The following MAPKBP1 variants were observed in gnomAD, a reference collection of about 807,000 sequenced individuals.
MAPKBP1 encodes the protein mitogen-activated protein kinase binding protein 1, also known as mitogen-activated protein kinase-binding protein 1.
MAPKBP1 carries 71 observed loss-of-function variants against 170.5 expected under a neutral mutation model. The observed-to-expected ratio is 0.42, with a 90% CI of 0.34 to 0.51. The LOEUF (loss-of-function observed/expected upper bound fraction) is 0.51, where lower values mean the gene tolerates loss of function less well. Among genes scored for constraint, MAPKBP1 ranks in the 20% least tolerant of loss-of-function variants. The probability of loss-of-function intolerance (pLI) is 0.06; values close to 1 mark genes in which losing one functional copy is unlikely to be tolerated. For missense variants in MAPKBP1, 1,598 were observed against 1,933.0 expected (o/e 0.83, Z 3.25); for synonymous variants, 719 against 757.9 (o/e 0.95, Z 0.84).
At chr15:41,791,826 A>C (rs977777053) in intron 2 of MAPKBP1, among the ~76,000 whole-genome samples, 1 of 152,038 alleles carries the variant, frequency 6.6e-6, no homozygotes, top group Non-Finnish European at 1.5e-5. Context: ...ATGCTCTAAA[A>C]ATAGGTGTTG....
At chr15:41,809,495 C>T (rs770931942) in intron 3 of MAPKBP1, among the ~76,000 whole-genome samples, 5 of 152,158 alleles carry the variant, frequency 3.3e-5, no homozygotes, top group African/African-American at 1.2e-4. Context: ...CCAGTAGTGG[C>T]GTTCAGATAT....
chr15:41,811,673 C>G, intron 5 of MAPKBP1: 2 of 647,862 alleles, frequency 3.1e-6, no homozygotes, highest in East Asian at 3.1e-5. Context: ...TAGTGGCTCT[C>G]AATGCCGGCT....
intron 3 of MAPKBP1, among the ~76,000 whole-genome samples, chr15:41,801,426 G>A (rs2064591826): frequency 6.6e-6 from 1 of 152,198 alleles, no homozygotes; most frequent in Non-Finnish European, 1.5e-5. Flanking sequence ...CGCTACTGCT[G>A]TACCTTTCTT....
intron 2 of MAPKBP1, among the ~76,000 whole-genome samples, chr15:41,788,108 C>T (rs1444844487): frequency 1.3e-5 from 2 of 152,034 alleles, no homozygotes; most frequent in African/African-American, 4.8e-5. Flanking sequence ...CAGGCACGTA[C>T]CACCATGCCC....
chr15:41,822,695 C>T lies in MAPKBP1; in HGVS notation c.3314+18C>T, dbSNP rs1455075403. 7 of 1,613,274 alleles carry T rather than the reference C, an allele frequency of 4.3e-6. No individual in the cohort carries two copies. Among genetic ancestry groups the T allele is most frequent in the East Asian group, 2.2e-5 (1 of 44,876 alleles). On this transcript the variant is annotated intron_variant, in intron 27 of 30. Coordinates refer to ENST00000457542, the MANE Select transcript of MAPKBP1 (RefSeq NM_014994.3). ...CCACTCAGGTACAGAGGCCCCCTAC[C>T]CCCCAGCAGCAGCTCTGGCTCTCCT...
At chr15:41,781,399 G>GT (rs71108134) in intron 2 of MAPKBP1, among the ~76,000 whole-genome samples, 87,468 of 140,058 alleles carry the variant, frequency 0.62, 26,902 homozygotes, top group Middle Eastern at 0.73. Context: ...GGGTTTTTTT[G>GT]TTTTTTTTTT....
rs58865566 is a variant in MAPKBP1 at position 41,819,555 on chromosome 15, G to GC, written c.2426-40_2426-39insC. 0.36 allele frequency: 531,361 copies of GC among 1,480,954 alleles called. 106,903 individuals carry two copies. Among genetic ancestry groups the GC allele is most frequent in the Admixed American group, 0.41 (24,106 of 58,150 alleles). The allele number at this position is 1,480,954 out of a possible 1,614,324, so 91.7% of individuals were successfully genotyped here. A position where few individuals can be genotyped will look rare whatever the true frequency, so the allele number is the denominator to read the frequency against. ...GCTCCAGGGTTGGGTGGCGGGGGGG[G>GC]GGCAGGAGACACTTCCTCTGACTGC... On this transcript the variant is annotated intron_variant, in intron 21 of 30. Coordinates refer to ENST00000457542, the MANE Select transcript of MAPKBP1 (RefSeq NM_014994.3).
chr15:41,804,518 G>T (rs1378537610), intron 3 of MAPKBP1, among the ~76,000 whole-genome samples: 1 of 152,232 alleles, frequency 6.6e-6, no homozygotes, highest in African/African-American at 2.4e-5. Flanking sequence ...TGTAGCACAG[G>T]CAAAAAAGGC....
At position 41,814,558 on chromosome 15, in the gene MAPKBP1, TCTC is replaced by T; in HGVS notation, c.990_992del (p.Ser331del). 1 of 1,614,106 alleles carries T rather than the reference TCTC, an allele frequency of 6.2e-7. No individual in the cohort carries two copies. Among genetic ancestry groups the T allele is most frequent in the Non-Finnish European group, 8.5e-7 (1 of 1,179,982 alleles). On this transcript the variant is annotated inframe_deletion, in exon 10 of 31. Coordinates refer to ENST00000457542, the MANE Select transcript of MAPKBP1 (RefSeq NM_014994.3). Reference sequence around the variant, plus strand: ...CTGTCCTCTCCCTACAGTCGCCTCTTCTCTGGAGTGGCGAATGCCAGGTATCCA... The same window carrying T: ...CTGTCCTCTCCCTACAGTCGCCTCTTTGGAGTGGCGAATGCCAGGTATCCA...
chr15:41,811,710 T>C (rs1567147914), intron 5 of MAPKBP1: 2 of 672,146 alleles, frequency 3.0e-6, no homozygotes, highest in Non-Finnish European at 2.7e-6. Context: ...CAGGGAGCTT[T>C]GAACAACCTG....
chr15:41,805,119 C>T (rs969597309), intron 3 of MAPKBP1, among the ~76,000 whole-genome samples: 18 of 152,190 alleles, frequency 1.2e-4, no homozygotes, highest in African/African-American at 3.4e-4. Flanking sequence ...GGCCCGGAGG[C>T]GAATATCAAA....
At chr15:41,821,777 C>A (rs201550328) in intron 24 of MAPKBP1, 27 bp downstream of exon 24, 51 of 1,610,292 alleles carry the variant, frequency 3.2e-5, no homozygotes, top group Non-Finnish European at 4.3e-5. Context: ...AGCCAGACCC[C>A]GTGCCCCCGT....
intron 2 of MAPKBP1, among the ~76,000 whole-genome samples, chr15:41,787,739 A>G (rs1596067179): frequency 1.3e-5 from 2 of 152,142 alleles, no homozygotes; most frequent in East Asian, 1.9e-4. Context: ...TACTAAAGTC[A>G]GGGATAAGAG....
chr15:41,817,133 G>A lies in MAPKBP1; in HGVS notation c.1711+98G>A. On this transcript the variant is annotated intron_variant, in intron 14 of 30. Coordinates refer to ENST00000457542, the MANE Select transcript of MAPKBP1 (RefSeq NM_014994.3). The surrounding 1 kb of genome is among the most constrained non-coding windows in gnomAD (Gnocchi z 4.2). ...AAGGGTCTGCCCATTGTGGGGGAGTGTTGGACAGCAGCTGGGAGGCCTGGA... is the reference window on the plus strand; with the variant it reads ...AAGGGTCTGCCCATTGTGGGGGAGTATTGGACAGCAGCTGGGAGGCCTGGA... The A allele has an allele frequency of 1.3e-6, 2 of 1,509,984 alleles. No homozygotes were observed. Among genetic ancestry groups the A allele is most frequent in the Non-Finnish European group, 1.8e-6 (2 of 1,126,546 alleles). 93.5% of individuals were successfully genotyped at this position (1,509,984 alleles called of 1,614,324 possible).
At chr15:41,800,007 G>A in intron 3 of MAPKBP1, 93 bp downstream of exon 3, 7 of 1,012,376 alleles carry the variant, frequency 6.9e-6, no homozygotes, top group South Asian at 1.3e-5. Flanking sequence ...GGTATCTTCT[G>A]GAAGATAGAT....
At position 41,812,957 on chromosome 15, in the gene MAPKBP1, G is replaced by T. The variant is rs1596087802; in HGVS notation, c.675G>T (p.Leu225=). 1.2e-6 allele frequency: 2 copies of T among 1,612,152 alleles called. No individual in the cohort carries two copies. The highest frequency in any genetic ancestry group is 1.1e-5 in the South Asian group (1 of 90,782). The part of the protein sequence containing the change: ...ATVPLLGRSG[L]LGELRNNLFT... Reference sequence around the variant, plus strand: ...TGCCCTTGCTGGGCCGCTCAGGGCTGCTGGGAGAGCTACGGAACAACCTAT... The same window carrying T: ...TGCCCTTGCTGGGCCGCTCAGGGCTTCTGGGAGAGCTACGGAACAACCTAT... Residue 225 remains leucine, a synonymous_variant, in exon 8 of 31, where the codon CTG becomes CTT. Coordinates refer to ENST00000457542, the MANE Select transcript of MAPKBP1 (RefSeq NM_014994.3).
In MAPKBP1 at chr15:41,817,104, T is replaced by C; in HGVS notation, c.1711+69T>C. 6.5e-7 allele frequency: 1 copy of C among 1,528,530 alleles called. No individual in the cohort carries two copies. The allele number at this position is 1,528,530 out of a possible 1,614,324, so 94.7% of individuals were successfully genotyped here. ...TGCTGCCATCTGCCTCCCACCTCCA[T>C]GAGAAGGGTCTGCCCATTGTGGGGG... On this transcript the variant is annotated intron_variant, in intron 14 of 30. Transcript: ENST00000457542. This position sits in a 1 kb window ranked among gnomAD's most constrained non-coding sequence, Gnocchi z 4.2.
chr15:41,782,138 T>C (rs2152067752), intron 2 of MAPKBP1, among the ~76,000 whole-genome samples: 1 of 149,460 alleles, frequency 6.7e-6, no homozygotes, highest in South Asian at 2.1e-4. Context: ...GGCGGGCGCC[T>C]GTAGGCCCAG....
rs376065390 is a variant in MAPKBP1 at position 41,818,327 on chromosome 15, G to A, written c.2092+22G>A. ...TCAGGTGAGTGTAGCCTGAATCCCC[G>A]AGTAGAAGCTGATACCTGCGTAAAC... On this transcript the variant is annotated intron_variant, in intron 18 of 30. Transcript: ENST00000457542. This position sits in a 1 kb window ranked among gnomAD's most constrained non-coding sequence, Gnocchi z 5.2. 194 of 1,590,090 alleles carry A rather than the reference G, an allele frequency of 1.2e-4. 1 individual carries two copies. In the African/African-American group the frequency reaches 2.1e-3, roughly 17 times the overall value.
Sources: allele counts gnomAD v4.1 joint callset (sites outside exome capture counted in the v4.1 genomes callset), GRCh38; gene constraint gnomAD v4.1.1; non-coding constraint Gnocchi (gnomAD v3.1); transcripts MANE v1.5; gene names NCBI Gene and HGNC (gene_info 2026-07-23, HGNC 2026-07-21).